MAPK10: variants seen among roughly 807,000 people sequenced by gnomAD.
MAPK10 encodes the protein mitogen-activated protein kinase 10.
In MAPK10, 25 loss-of-function variants were observed where a neutral mutation model predicts 59.3. The observed-to-expected ratio is 0.42, with a 90% CI of 0.31 to 0.59. The LOEUF (loss-of-function observed/expected upper bound fraction) is 0.59. MAPK10 is among the 20% of genes least tolerant of loss of function. The pLI, the probability that MAPK10 is intolerant of heterozygous loss-of-function variation, is 0.15. For missense variants in MAPK10, 351 were observed against 568.9 expected (o/e 0.62, Z 3.90); for synonymous variants, 190 against 200.5 (o/e 0.95, Z 0.44).
intron 4 of MAPK10, among the ~76,000 whole-genome samples, chr4:86,112,376 C>T (rs1013391722): frequency 2.0e-5 from 3 of 152,122 alleles, no homozygotes; most frequent in African/African-American, 7.2e-5. Flanking sequence ...CCTCCTGACA[C>T]TGCTTTAGCT....
At chr4:86,312,753 C>T (rs550276033) in intron 2 of MAPK10, among the ~76,000 whole-genome samples, 19 of 152,088 alleles carry the variant, frequency 1.2e-4, no homozygotes, top group African/African-American at 4.6e-4. Flanking sequence ...CAGAAGAATC[C>T]AGCATCAGAC....
chr4:86,415,688 G>A (rs1745775655), intron 1 of MAPK10, among the ~76,000 whole-genome samples: 1 of 152,134 alleles, frequency 6.6e-6, no homozygotes, highest in Non-Finnish European at 1.5e-5. Flanking sequence ...ATCATTTAAT[G>A]GTGACCATAT....
rs1748995678 is a variant in MAPK10 at position 86,438,238 on chromosome 4, G to A, written c.-122+14792C>T. Among the ~76,000 whole-genome samples the A allele has an allele frequency of 2.0e-5, 3 of 152,212 alleles. No homozygotes were observed. The East Asian group carries it at 5.8e-4, about 29-fold the overall frequency. Reference sequence around the variant, plus strand: ...TTTAGTATGTCTTTCTTTATTGTATGTTATACTTAAATAAATATGCTTATA... The same window carrying A: ...TTTAGTATGTCTTTCTTTATTGTATATTATACTTAAATAAATATGCTTATA... On this transcript the variant is annotated intron_variant, in intron 1 of 13. Coordinates refer to the MAPK10 transcript ENST00000361569.
At chr4:86,568,391 T>C (rs1191022808) in intron 1 of MAPK10, among the ~76,000 whole-genome samples, 2 of 152,152 alleles carry the variant, frequency 1.3e-5, no homozygotes, top group Non-Finnish European at 2.9e-5. Flanking sequence ...ACACAATTCC[T>C]TTTAAACTAC....
chr4:86,180,556 T>C (rs1268659367), intron 3 of MAPK10, among the ~76,000 whole-genome samples: 1 of 150,922 alleles, frequency 6.6e-6, no homozygotes, highest in African/African-American at 2.4e-5. Context: ...ACCCCCATGT[T>C]TACTGCACTA....
At chr4:86,535,139 T>C (rs1758134088) in intron 1 of MAPK10, among the ~76,000 whole-genome samples, 3 of 152,148 alleles carry the variant, frequency 2.0e-5, no homozygotes, top group South Asian at 2.1e-4. Flanking sequence ...TAGGTCCTTG[T>C]TTCCATTTTG....
At chr4:86,075,450 T>C (rs1026795357) in intron 9 of MAPK10, among the ~76,000 whole-genome samples, 10 of 152,212 alleles carry the variant, frequency 6.6e-5, no homozygotes, top group African/African-American at 2.4e-4. Flanking sequence ...ACTGTGTTCC[T>C]TTGGAGGAGG....
intron 1 of MAPK10, among the ~76,000 whole-genome samples, chr4:86,545,674 A>G (rs1212173801): frequency 6.6e-6 from 1 of 152,230 alleles, no homozygotes; most frequent in Non-Finnish European, 1.5e-5. Context: ...CAGCATAAAG[A>G]TCTTAATGGA....
chr4:86,135,410 C>T (rs1171594504), intron 4 of MAPK10, among the ~76,000 whole-genome samples: 6 of 152,158 alleles, frequency 3.9e-5, no homozygotes, highest in East Asian at 1.9e-4. Context: ...TGGGAGGCAC[C>T]GCCCCAGCAG....
chr4:86,565,604 A>G (rs1019971518), intron 1 of MAPK10, among the ~76,000 whole-genome samples: 9 of 152,358 alleles, frequency 5.9e-5, no homozygotes, highest in Admixed American at 5.2e-4. Context: ...ACAGAGCACA[A>G]TGAAAAAGTA....
chr4:86,054,868 A>C (rs1042806133), intron 11 of MAPK10, among the ~76,000 whole-genome samples: 1 of 152,240 alleles, frequency 6.6e-6, no homozygotes, highest in Non-Finnish European at 1.5e-5. Flanking sequence ...TCAAAGAGGT[A>C]GTCCTTGTGG....
chr4:86,549,123 C>T (rs1365080802), intron 1 of MAPK10, among the ~76,000 whole-genome samples: 1 of 151,916 alleles, frequency 6.6e-6, no homozygotes, highest in Non-Finnish European at 1.5e-5. Context: ...TATTATTAAA[C>T]ATCAAGTAAA....
chr4:86,239,783 T>G (rs543391173), intron 2 of MAPK10, among the ~76,000 whole-genome samples: 6 of 140,852 alleles, frequency 4.3e-5, no homozygotes, highest in African/African-American at 1.7e-4. Flanking sequence ...ACTTGGTTAA[T>G]TTTTTCAAAA....
Position 86,354,627 on chromosome 4 carries a change from G to T in MAPK10, c.-104C>A. 8.1e-7 allele frequency: 1 copy of T among 1,227,472 alleles called. No individual in the cohort carries two copies. Among genetic ancestry groups the T allele is most frequent in the Non-Finnish European group, 1.0e-6 (1 of 983,968 alleles). The allele number at this position is 1,227,472 out of a possible 1,614,324, so 76.0% of individuals were successfully genotyped here. On this transcript the variant is annotated 5_prime_UTR_variant, in exon 2 of 14. Transcript: ENST00000641462. ...GAAGATCTGAGATGGGCCTGCTGTT[G>T]GTGTTTCTCACACTAGCCTGAAAGC... is the stretch of plus-strand genomic sequence containing the variant.
intron 2 of MAPK10, among the ~76,000 whole-genome samples, chr4:86,203,694 T>C (rs1302360932): frequency 4.7e-5 from 7 of 150,254 alleles, no homozygotes; most frequent in Admixed American, 4.6e-4. Flanking sequence ...TCATTGTTAA[T>C]TAAAAATGAC....
intron 1 of MAPK10, among the ~76,000 whole-genome samples, chr4:86,537,273 A>C (rs1394144482): frequency 6.6e-6 from 1 of 152,244 alleles, no homozygotes; most frequent in Non-Finnish European, 1.5e-5. Context: ...AATGAGACTG[A>C]ACTTTGTGGT....
intron 1 of MAPK10, among the ~76,000 whole-genome samples, chr4:86,503,823 T>C (rs1755506779): frequency 6.6e-6 from 1 of 152,114 alleles, no homozygotes; most frequent in Non-Finnish European, 1.5e-5. Flanking sequence ...TGGCTGGCTA[T>C]GCACTACCAG....
intron 2 of MAPK10, among the ~76,000 whole-genome samples, chr4:86,254,511 C>CTAGT (rs2148720922): frequency 8.5e-6 from 1 of 118,216 alleles, no homozygotes. Flanking sequence ...ATCCTGAGTT[C>CTAGT]TAGTTTGATT....
chr4:86,140,641 A>T (rs2063433092), intron 4 of MAPK10, among the ~76,000 whole-genome samples: 1 of 151,650 alleles, frequency 6.6e-6, no homozygotes, highest in Non-Finnish European at 1.5e-5. Flanking sequence ...TATGTAACTA[A>T]CCTGCACAAT....
Sources: gnomAD v4.1 joint callset for allele counts (sites outside exome capture counted in the v4.1 genomes callset) on GRCh38, gnomAD v4.1.1 for gene constraint, MANE v1.5 for transcripts, NCBI Gene and HGNC (gene_info 2026-07-23, HGNC 2026-07-21) for gene names.